The following RHBDD1 variants were observed in gnomAD, a reference collection of about 807,000 sequenced individuals.
The protein encoded by RHBDD1 is rhomboid-related protein 4.
A neutral mutation model predicts 36.3 loss-of-function variants in RHBDD1; 38 were observed. That is an observed-to-expected ratio of 1.05 (90% CI 0.81 to 1.37). The LOEUF is 1.37. Among genes scored for constraint, RHBDD1 ranks in the 40% most tolerant of loss-of-function variants. RHBDD1 has a pLI of 0.00. For synonymous variants in RHBDD1, 151 were observed against 136.5 expected (o/e 1.11, Z -0.74); for missense variants, 393 against 377.6 (o/e 1.04, Z -0.34).
chr2:226,955,823 T>C (rs1951752890), intron 8 of RHBDD1, among the ~76,000 whole-genome samples: 1 of 152,152 alleles, frequency 6.6e-6, no homozygotes, highest in African/African-American at 2.4e-5. Flanking sequence ...TCCACCCCTA[T>C]CACCTCATTT....
the RHBDD1 span, among the ~76,000 whole-genome samples, chr2:226,821,511 A>C: frequency 6.6e-6 from 1 of 151,724 alleles, no homozygotes; most frequent in African/African-American, 2.4e-5. Flanking sequence ...TTTTGCTCTA[A>C]TTTTTTTATT....
intron 5 of RHBDD1, among the ~76,000 whole-genome samples, chr2:226,895,477 G>A (rs1452643244): frequency 6.6e-6 from 1 of 152,184 alleles, no homozygotes; most frequent in Non-Finnish European, 1.5e-5. Flanking sequence ...TACAGGGTAG[G>A]GAACTCTAGG....
At chr2:226,829,847 C>T in the RHBDD1 span, among the ~76,000 whole-genome samples, 7 of 152,188 alleles carry the variant, frequency 4.6e-5, no homozygotes, top group East Asian at 7.7e-4. Flanking sequence ...CCTTTTATTT[C>T]GTTTCCTTTA....
intron 3 of RHBDD1, among the ~76,000 whole-genome samples, chr2:226,848,552 C>G (rs552353224): frequency 1.6e-4 from 24 of 152,218 alleles, no homozygotes; most frequent in Non-Finnish European, 3.4e-4. Context: ...TTTCTTAGGT[C>G]CCTCAGATAA....
chr2:226,976,043 C>T (rs1457815211), intron 8 of RHBDD1, among the ~76,000 whole-genome samples: 1 of 151,746 alleles, frequency 6.6e-6, no homozygotes, highest in Non-Finnish European at 1.5e-5. Flanking sequence ...GTCACAAGTC[C>T]TGGCTGTTTG....
chr2:226,950,870 A>T (rs943591580), intron 8 of RHBDD1, among the ~76,000 whole-genome samples: 3 of 152,112 alleles, frequency 2.0e-5, no homozygotes, highest in Admixed American at 2.0e-4. Context: ...TTTTATACTA[A>T]TGCATTATCA....
At chr2:226,823,689 A>G in the RHBDD1 span, among the ~76,000 whole-genome samples, 1 of 152,230 alleles carries the variant, frequency 6.6e-6, no homozygotes, top group Non-Finnish European at 1.5e-5. Flanking sequence ...ATAATAGAAT[A>G]ACACATACTG....
At chr2:226,938,711 C>T (rs1950496958) in intron 8 of RHBDD1, among the ~76,000 whole-genome samples, 3 of 151,802 alleles carry the variant, frequency 2.0e-5, no homozygotes, top group Admixed American at 2.0e-4. Context: ...GAGCTGGTAC[C>T]ATTCCTGTTG....
At chr2:226,874,750 A>G (rs142014543) in intron 5 of RHBDD1, among the ~76,000 whole-genome samples, 90 of 152,322 alleles carry the variant, frequency 5.9e-4, no homozygotes, top group African/African-American at 2.1e-3. Flanking sequence ...TACATTCATC[A>G]GTTCCAGGGA....
intron 5 of RHBDD1, among the ~76,000 whole-genome samples, chr2:226,899,946 C>T (rs1407033358): frequency 6.6e-6 from 1 of 152,112 alleles, no homozygotes; most frequent in Non-Finnish European, 1.5e-5. Context: ...TCCTCTGTGC[C>T]GCCATGATTT....
chr2:226,863,425 A>G (rs1944040793), intron 3 of RHBDD1, among the ~76,000 whole-genome samples: 1 of 152,218 alleles, frequency 6.6e-6, no homozygotes, highest in Non-Finnish European at 1.5e-5. Flanking sequence ...GAAAGGCAAT[A>G]CCTTCTGTAT....
chr2:226,853,292 GA>G (rs1015801004), intron 3 of RHBDD1, among the ~76,000 whole-genome samples: 15 of 152,286 alleles, frequency 9.8e-5, no homozygotes, highest in Non-Finnish European at 2.1e-4. Flanking sequence ...TATTGGCCAC[GA>G]AGCAGAACAT....
chr2:226,820,493 G>T, the RHBDD1 span, among the ~76,000 whole-genome samples: 1 of 151,872 alleles, frequency 6.6e-6, no homozygotes, highest in African/African-American at 2.4e-5. Context: ...ATTCCATAGA[G>T]AAGTAACTTT....
chr2:226,852,547 C>T (rs1241788943), intron 3 of RHBDD1, among the ~76,000 whole-genome samples: 1 of 152,026 alleles, frequency 6.6e-6, no homozygotes, highest in African/African-American at 2.4e-5. Context: ...GCTCACAACC[C>T]ATAAGAGGGC....
Position 226,864,925 on chromosome 2 carries a change from G to A in RHBDD1, c.232G>A (p.Asp78Asn), listed in dbSNP as rs777352040. The A allele has an allele frequency of 6.2e-7, 1 of 1,614,184 alleles. No homozygotes were observed. The highest frequency in any genetic ancestry group is 8.5e-7 in the Non-Finnish European group (1 of 1,180,032). ...LLLSPLHHAD[D>N]WHLYFNMASM... ...GCTCTCTCCCCTTCACCATGCTGAT[G>A]ATTGGCATTTGTATTTCAATATGGC... The change falls in exon 4 of 9, where the codon GAT becomes AAT. Residue 78 changes from aspartate (D) to asparagine (N), a missense_variant. Physicochemically the swap from Asp to Asn is conservative, Grantham distance 23. Transcript: ENST00000392062.
At chr2:226,973,483 C>A (rs1385947657) in intron 8 of RHBDD1, among the ~76,000 whole-genome samples, 1 of 152,210 alleles carries the variant, frequency 6.6e-6, no homozygotes, top group Non-Finnish European at 1.5e-5. Flanking sequence ...CAACTGCCCC[C>A]ATTCTAAGAT....
chr2:226,853,619 G>A (rs977767505), intron 3 of RHBDD1, among the ~76,000 whole-genome samples: 3 of 152,188 alleles, frequency 2.0e-5, no homozygotes, highest in African/African-American at 7.2e-5. Flanking sequence ...GTAATAAAGT[G>A]GAATTTCTGT....
At chr2:226,806,283 G>A in the RHBDD1 span, among the ~76,000 whole-genome samples, 1 of 152,104 alleles carries the variant, frequency 6.6e-6, no homozygotes, top group Non-Finnish European at 1.5e-5. Flanking sequence ...GTGGGCAGAG[G>A]GTTACCCATA....
intron 8 of RHBDD1, among the ~76,000 whole-genome samples, chr2:226,981,368 A>T (rs1197418064): frequency 2.0e-5 from 3 of 152,126 alleles, no homozygotes; most frequent in African/African-American, 7.2e-5. Flanking sequence ...AGTATAATAA[A>T]AAATAAATAA....
Sources: allele counts gnomAD v4.1 joint callset (sites outside exome capture counted in the v4.1 genomes callset), GRCh38; gene constraint gnomAD v4.1.1; transcripts MANE v1.5; gene names NCBI Gene and HGNC (gene_info 2026-07-23, HGNC 2026-07-21).